Variants in BMP6 observed in about 807,000 individuals in gnomAD.
The protein encoded by BMP6 is VG-1-R.
A neutral mutation model predicts 54.1 loss-of-function variants in BMP6; 17 were observed. The observed-to-expected ratio is 0.31, with a 90% CI of 0.22 to 0.47. The LOEUF (loss-of-function observed/expected upper bound fraction) is 0.47, where lower values mean the gene tolerates loss of function less well. Ranked by LOEUF, BMP6 falls within the 20% of genes least tolerant of loss-of-function variation. The probability of loss-of-function intolerance (pLI) is 1.00; values close to 1 mark genes in which losing one functional copy is unlikely to be tolerated. For synonymous variants in BMP6, 328 were observed against 291.2 expected (o/e 1.13, Z -1.28); for missense variants, 720 against 690.4 (o/e 1.04, Z -0.48).
chr6:7,824,460 TAGAG>T (rs2113227921), intron 1 of BMP6, among the ~76,000 whole-genome samples: 1 of 152,178 alleles, frequency 6.6e-6, no homozygotes, highest in African/African-American at 2.4e-5. Context: ...TGATAAACAA[TAGAG>T]GGAGGAGGTT....
chr6:7,741,575 G>A (rs1311475348), intron 1 of BMP6, among the ~76,000 whole-genome samples: 1 of 139,164 alleles, frequency 7.2e-6, no homozygotes, highest in Non-Finnish European at 1.6e-5. Context: ...GGACTACTAG[G>A]CGTGTACCAC....
In BMP6 at chr6:7,880,777, T is replaced by C. The variant is rs1041281233; in HGVS notation, c.*434T>C. The C allele has an allele frequency of 1.9e-4, 37 of 195,218 alleles. No homozygotes were observed. The highest frequency in any genetic ancestry group is 8.4e-4 in the African/African-American group (36 of 43,090). 12.1% of individuals were successfully genotyped at this position (195,218 alleles called of 1,614,324 possible). On this transcript the variant is annotated 3_prime_UTR_variant, in exon 7 of 7. Coordinates refer to ENST00000283147, the MANE Select transcript of BMP6 (RefSeq NM_001718.6). ...AGTACTGTCTATCAAAGGTAGATTT[T>C]ACAGAGAACAGAAATCGGGGAAGTG...
chr6:7,797,203 G>A (rs1373640786), intron 1 of BMP6, among the ~76,000 whole-genome samples: 1 of 152,158 alleles, frequency 6.6e-6, no homozygotes, highest in African/African-American at 2.4e-5. Flanking sequence ...TGACACGCTG[G>A]AAATTTCAGG....
chr6:7,872,768 C>T (rs993442967), intron 4 of BMP6, among the ~76,000 whole-genome samples: 6 of 151,650 alleles, frequency 4.0e-5, no homozygotes, highest in African/African-American at 1.5e-4. Context: ...AGCAATTCTT[C>T]AACACCAATT....
At chr6:7,877,515 C>T (rs1209702828) in intron 4 of BMP6, among the ~76,000 whole-genome samples, 1 of 151,968 alleles carries the variant, frequency 6.6e-6, no homozygotes, top group Admixed American at 6.6e-5. Context: ...CCCAGCTACT[C>T]GGGAGACTGA....
chr6:7,823,980 TG>T (rs1157226797), intron 1 of BMP6, among the ~76,000 whole-genome samples: 4 of 152,198 alleles, frequency 2.6e-5, no homozygotes, highest in African/African-American at 9.6e-5. Context: ...AGGATCCTTC[TG>T]GCCACTGTGT....
chr6:7,795,682 G>T (rs1423157591), intron 1 of BMP6, among the ~76,000 whole-genome samples: 1 of 152,168 alleles, frequency 6.6e-6, no homozygotes, highest in Non-Finnish European at 1.5e-5. Flanking sequence ...CCATCACATT[G>T]TCCAGCAGAG....
At chr6:7,824,552 A>G (rs1040931114) in intron 1 of BMP6, among the ~76,000 whole-genome samples, 7 of 152,240 alleles carry the variant, frequency 4.6e-5, no homozygotes, top group African/African-American at 1.4e-4. Context: ...AATAGGAGAT[A>G]CCATTCAGTC....
At chr6:7,741,336 C>T (rs1757251720) in intron 1 of BMP6, among the ~76,000 whole-genome samples, 1 of 152,124 alleles carries the variant, frequency 6.6e-6, no homozygotes, top group South Asian at 2.1e-4. Flanking sequence ...CTCTCTGTCA[C>T]CCAGGCTGGA....
chr6:7,861,746 G>T, intron 3 of BMP6, 147 bp downstream of exon 3: 1 of 1,257,220 alleles, frequency 8.0e-7, no homozygotes. Flanking sequence ...GACTTGCATT[G>T]AGAACCAAAA....
At chr6:7,785,653 G>A (rs903413316) in intron 1 of BMP6, among the ~76,000 whole-genome samples, 7 of 152,180 alleles carry the variant, frequency 4.6e-5, no homozygotes, top group African/African-American at 1.7e-4. Context: ...AACGTGAGGA[G>A]CAGCTTAGTA....
At chr6:7,749,993 C>T (rs1757399358) in intron 1 of BMP6, among the ~76,000 whole-genome samples, 1 of 152,130 alleles carries the variant, frequency 6.6e-6, no homozygotes, top group Admixed American at 6.6e-5. Context: ...GAGGTGTGCA[C>T]TTCAGAGTAT....
At chr6:7,768,894 T>A (rs1269680838) in intron 1 of BMP6, among the ~76,000 whole-genome samples, 2 of 152,222 alleles carry the variant, frequency 1.3e-5, no homozygotes. Flanking sequence ...TAGTTACGTG[T>A]GTCCTTTTCT....
At chr6:7,743,187 G>A (rs1436846848) in intron 1 of BMP6, among the ~76,000 whole-genome samples, 1 of 152,216 alleles carries the variant, frequency 6.6e-6, no homozygotes, top group Non-Finnish European at 1.5e-5. Flanking sequence ...TGTAGATATA[G>A]AGGAAGGTGT....
At chr6:7,835,463 T>C (rs942433680) in intron 1 of BMP6, among the ~76,000 whole-genome samples, 26 of 152,116 alleles carry the variant, frequency 1.7e-4, no homozygotes, top group Non-Finnish European at 3.4e-4. Context: ...TGGAGGATAT[T>C]GTGCCTGTTG....
chr6:7,843,388 T>C (rs1458721085), intron 1 of BMP6, among the ~76,000 whole-genome samples: 1 of 151,852 alleles, frequency 6.6e-6, no homozygotes, highest in Admixed American at 6.6e-5. Context: ...GCAAATGCCA[T>C]TGAGGACTTA....
At chr6:7,768,852 C>T (rs1162831317) in intron 1 of BMP6, among the ~76,000 whole-genome samples, 3 of 152,162 alleles carry the variant, frequency 2.0e-5, no homozygotes, top group African/African-American at 7.2e-5. Flanking sequence ...TTGTTGTACT[C>T]ATCACAGCTT....
At chr6:7,749,488 G>A (rs1222251063) in intron 1 of BMP6, among the ~76,000 whole-genome samples, 2 of 152,076 alleles carry the variant, frequency 1.3e-5, no homozygotes, top group East Asian at 1.9e-4. Flanking sequence ...TTTTCAGAAC[G>A]AGGCAGGAGC....
intron 2 of BMP6, among the ~76,000 whole-genome samples, chr6:7,858,801 TC>T (rs1222138000): frequency 6.7e-6 from 1 of 149,964 alleles, no homozygotes; most frequent in Non-Finnish European, 1.5e-5. Flanking sequence ...GCCCCGAGCA[TC>T]CTAGATCTAA....
Sources: gnomAD v4.1 joint callset for allele counts (sites outside exome capture counted in the v4.1 genomes callset) on GRCh38, gnomAD v4.1.1 for gene constraint, MANE v1.5 for transcripts, NCBI Gene and HGNC (gene_info 2026-07-23, HGNC 2026-07-21) for gene names.